SEMA3D: variants seen among roughly 807,000 people sequenced by gnomAD.
SEMA3D encodes semaphorin-3D.
SEMA3D carries 84 observed loss-of-function variants against 100.1 expected under a neutral mutation model. The ratio of observed to expected loss-of-function variants is 0.84; its 90% CI spans 0.70 to 1.01. The LOEUF is 1.01. SEMA3D is among the 50% of genes least tolerant of loss of function. The probability of loss-of-function intolerance (pLI) is 0.00; values close to 1 mark genes in which losing one functional copy is unlikely to be tolerated. For synonymous variants in SEMA3D, 312 were observed against 320.7 expected (o/e 0.97, Z 0.29); for missense variants, 875 against 934.1 (o/e 0.94, Z 0.82).
the SEMA3D span, among the ~76,000 whole-genome samples, chr7:85,233,845 GCTCT>G: frequency 6.6e-6 from 1 of 152,188 alleles, no homozygotes; most frequent in Admixed American, 6.5e-5. Flanking sequence ...AGGTTTTGGA[GCTCT>G]TCCAGATTAA....
the SEMA3D span, among the ~76,000 whole-genome samples, chr7:85,208,228 T>A: frequency 6.6e-6 from 1 of 152,036 alleles, no homozygotes; most frequent in Admixed American, 6.6e-5. Context: ...TCAAAACAAA[T>A]TGAGACATTG....
intron 3 of SEMA3D, among the ~76,000 whole-genome samples, chr7:85,109,728 A>T (rs1260839575): frequency 6.6e-6 from 1 of 151,998 alleles, no homozygotes; most frequent in African/African-American, 2.4e-5. Flanking sequence ...CATTATTTTT[A>T]AAACTGTCAT....
rs1449950144 is a variant in SEMA3D, at chr7:84,999,496, G to A, written c.2278C>T (p.Arg760Ter). Residue 760 changes from arginine (R) to a stop codon, truncating the protein, a stop_gained, in exon 19 of 19, where the codon CGA becomes TGA. Coordinates refer to ENST00000284136, the MANE Select transcript of SEMA3D (RefSeq NM_001384900.1). LOFTEE classifies it high-confidence loss of function. ...WKHMQEMKKK[R>*]NRRHHRDLDE... ...AGGTCTCTGTGATGTCTTCGATTTC[G>A]TTTCTTCTTCATTTCCTGCATGTGC... The A allele has an allele frequency of 5.6e-6, 9 of 1,613,892 alleles. No homozygotes were observed. Among genetic ancestry groups the A allele is most frequent in the Non-Finnish European group, 6.8e-6 (8 of 1,180,016 alleles).
At chr7:85,006,718 T>A in intron 18 of SEMA3D, 84 bp downstream of exon 18, 12 of 1,074,548 alleles carry the variant, frequency 1.1e-5, no homozygotes, top group Non-Finnish European at 1.6e-5. Context: ...ATGATGAGAG[T>A]AGCATACAGA....
chr7:85,059,010 A>G (rs967277206), intron 8 of SEMA3D, among the ~76,000 whole-genome samples: 1 of 152,210 alleles, frequency 6.6e-6, no homozygotes, highest in Non-Finnish European at 1.5e-5. Flanking sequence ...AAGAGAATGC[A>G]TAGCCATGAT....
chr7:85,146,059 C>T (rs1054299076), intron 2 of SEMA3D, among the ~76,000 whole-genome samples: 6 of 151,886 alleles, frequency 4.0e-5, no homozygotes, highest in African/African-American at 1.5e-4. Flanking sequence ...TGGTTGAGTC[C>T]ACAGGTGTGG....
chr7:85,050,092 C>A (rs973978386), intron 9 of SEMA3D, among the ~76,000 whole-genome samples: 1 of 149,632 alleles, frequency 6.7e-6, no homozygotes, highest in Admixed American at 6.7e-5. Flanking sequence ...CACACACACA[C>A]ACACACACAC....
rs762221114 is a variant in SEMA3D, at chr7:85,055,865, T to G, written c.719-6A>C. 2 of 1,503,326 alleles carry G rather than the reference T, an allele frequency of 1.3e-6. No homozygotes were observed. Among genetic ancestry groups the G allele is most frequent in the Admixed American group, 1.8e-5 (1 of 54,810 alleles). 93.1% of individuals were successfully genotyped at this position (1,503,326 alleles called of 1,614,324 possible). On this transcript the variant is annotated splice_region_variant and splice_polypyrimidine_tract_variant and intron_variant, in intron 8 of 18. Transcript: ENST00000284136. ...AGTTCCAATAAATTTTGCTCCTGTT[T>G]GAAAGAAAAGAAGCTATAAATTAAG...
Position 85,181,349 on chromosome 7 carries a change from C to CACACAA in SEMA3D, c.-173+5328_-173+5329insTTGTGT, listed in dbSNP as rs1554352325. On this transcript the variant is annotated intron_variant, in intron 1 of 18. Coordinates refer to ENST00000284136, the MANE Select transcript of SEMA3D (RefSeq NM_001384900.1). ...ACACACACACACACACACACACACA[C>CACACAA]ACACACACACACATGCACTGCTAGA... 1.5e-4 allele frequency among the ~76,000 whole-genome samples: 22 copies of CACACAA among 144,526 alleles called. 1 individual carries two copies. The highest frequency in any genetic ancestry group is 1.3e-3 in the Admixed American group (18 of 13,746). 94.8% of individuals were successfully genotyped at this position (144,526 alleles called of 152,430 possible). A position where few individuals can be genotyped will look rare whatever the true frequency, so the allele number is the denominator to read the frequency against.
At position 85,146,134 on chromosome 7, in the gene SEMA3D, T is replaced by G. The variant is rs1407132566; in HGVS notation, c.-41+7474A>C. ...AAACCAATTGGTATAAATAGATAAT[T>G]CAATCTTTCTTATCCAATCGACTTT... is the stretch of plus-strand genomic sequence containing the variant. On this transcript the variant is annotated intron_variant, in intron 2 of 18. Coordinates refer to ENST00000284136, the MANE Select transcript of SEMA3D (RefSeq NM_001384900.1). Among the ~76,000 whole-genome samples the G allele has an allele frequency of 4.6e-5, 7 of 152,186 alleles. No homozygotes were observed. The South Asian group carries it at 1.0e-3, about 22-fold the overall frequency.
intron 12 of SEMA3D, among the ~76,000 whole-genome samples, chr7:85,026,937 A>T (rs1790406539): frequency 6.6e-6 from 1 of 152,078 alleles, no homozygotes; most frequent in African/African-American, 2.4e-5. Context: ...AAGCAAGGTA[A>T]AAATTGGAAT....
chr7:85,029,474 A>AGT (rs1219526148), intron 12 of SEMA3D: 3 of 709,702 alleles, frequency 4.2e-6, no homozygotes, highest in Non-Finnish European at 7.9e-6. Context: ...ATTCTTAGCA[A>AGT]GTGCCATGAA....
At chr7:85,152,965 T>G (rs1319308686) in intron 2 of SEMA3D, among the ~76,000 whole-genome samples, 1 of 152,112 alleles carries the variant, frequency 6.6e-6, no homozygotes, top group African/African-American at 2.4e-5. Context: ...GCCTGCTAAT[T>G]CTGAGAGAGG....
At chr7:85,080,003 T>C (rs991208739) in intron 5 of SEMA3D, among the ~76,000 whole-genome samples, 1 of 152,214 alleles carries the variant, frequency 6.6e-6, no homozygotes, top group Non-Finnish European at 1.5e-5. Context: ...TTAATTCCTT[T>C]CATTTCTAGT....
At chr7:85,015,276 C>G in intron 15 of SEMA3D, 60 bp from the exon 16 acceptor site, 1 of 1,521,590 alleles carries the variant, frequency 6.6e-7, no homozygotes, top group Non-Finnish European at 9.0e-7. Flanking sequence ...TTAAGAATTT[C>G]CTTTTCTTGA....
intron 1 of SEMA3D, among the ~76,000 whole-genome samples, chr7:85,173,867 T>C (rs1583989530): frequency 1.3e-5 from 2 of 152,134 alleles, no homozygotes; most frequent in South Asian, 2.1e-4. Context: ...TCACAACCCA[T>C]AGTCTTAGCC....
intron 9 of SEMA3D, chr7:85,050,223 G>A (rs1791126263): frequency 1.3e-5 from 2 of 151,812 alleles, no homozygotes; most frequent in Non-Finnish European, 2.9e-5. Context: ...TTTATTTCAT[G>A]TGGTTTTGCC....
chr7:85,024,131 G>T (rs1323952669), intron 12 of SEMA3D, among the ~76,000 whole-genome samples: 1 of 151,918 alleles, frequency 6.6e-6, no homozygotes, highest in Non-Finnish European at 1.5e-5. Context: ...GAAGAACCTT[G>T]CATTAAATAG....
At chr7:85,098,772 T>C (rs1788651093) in intron 3 of SEMA3D, among the ~76,000 whole-genome samples, 1 of 151,942 alleles carries the variant, frequency 6.6e-6, no homozygotes, top group Non-Finnish European at 1.5e-5. Flanking sequence ...GTATCAACCA[T>C]TGTAGTATCA....
Sources: gnomAD v4.1 joint callset for allele counts (sites outside exome capture counted in the v4.1 genomes callset) on GRCh38, gnomAD v4.1.1 for gene constraint, MANE v1.5 for transcripts, NCBI Gene and HGNC (gene_info 2026-07-23, HGNC 2026-07-21) for gene names.